The following APOBEC3C variants were observed in gnomAD, a reference collection of about 807,000 sequenced individuals.
APOBEC3C encodes the protein DNA dC->dU-editing enzyme APOBEC-3C.
In APOBEC3C, 14 loss-of-function variants were observed where a neutral mutation model predicts 20.6. That is an observed-to-expected ratio of 0.68 (90% CI 0.45 to 1.06). APOBEC3C has a LOEUF of 1.06. Among genes scored for constraint, APOBEC3C ranks in the 50% least tolerant of loss-of-function variants. The probability of loss-of-function intolerance (pLI) is 0.00; values close to 1 mark genes in which losing one functional copy is unlikely to be tolerated. For synonymous variants in APOBEC3C, 98 were observed against 88.8 expected (o/e 1.10, Z -0.58); for missense variants, 244 against 241.9 (o/e 1.01, Z -0.06).
chr22:39,018,494 C>G lies in APOBEC3C; in HGVS notation c.*107C>G. ...TCTGTTTCTGCCTGGTCATCCTGAG[C>G]CCCTCCTGGCCTCAGGGCCATTCCA... On this transcript the variant is annotated 3_prime_UTR_variant, in exon 4 of 4. Coordinates refer to ENST00000361441, the MANE Select transcript of APOBEC3C (RefSeq NM_014508.3). 4.5e-6 allele frequency: 6 copies of G among 1,328,220 alleles called. No individual in the cohort carries two copies. The highest frequency in any genetic ancestry group is 1.5e-5 in the African/African-American group (1 of 67,968). 82.3% of individuals were successfully genotyped at this position (1,328,220 alleles called of 1,614,324 possible).
At chr22:39,015,789 T>C in intron 2 of APOBEC3C, 38 bp downstream of exon 2, 1 of 1,588,038 alleles carries the variant, frequency 6.3e-7, no homozygotes, top group Non-Finnish European at 8.6e-7. Flanking sequence ...AAATAGGAGC[T>C]AAGCAGCTGG....
At position 39,014,502 on chromosome 22, in the gene APOBEC3C, C is replaced by T. The variant is rs1176489205; in HGVS notation, c.17+123C>T. The T allele has an allele frequency of 4.6e-6, 5 of 1,077,780 alleles. No individual in the cohort carries two copies. The Admixed American group carries it at 6.7e-5, about 14-fold the overall frequency. The allele number at this position is 1,077,780 out of a possible 1,614,324, so 66.8% of individuals were successfully genotyped here. On this transcript the variant is annotated intron_variant, in intron 1 of 3. Transcript: ENST00000361441. ...CCTCTGGGCTCCCTCCCCCCTGGTT[C>T]CCCCGCTGCCCCCACTCCCAGCCAA...
intron 2 of APOBEC3C, among the ~76,000 whole-genome samples, chr22:39,016,249 G>A (rs1924780157): frequency 8.1e-6 from 1 of 123,626 alleles, no homozygotes; most frequent in Non-Finnish European, 1.7e-5. Flanking sequence ...GCCCAGGCTG[G>A]AGTGCAGTGG....
chr22:39,018,185 G>A, intron 3 of APOBEC3C, 84 bp from the exon 4 acceptor site: 3 of 1,571,376 alleles, frequency 1.9e-6, no homozygotes, highest in South Asian at 1.2e-5. Flanking sequence ...CTGGCAGCCT[G>A]GATACCTGGG....
intron 1 of APOBEC3C, among the ~76,000 whole-genome samples, chr22:39,014,919 G>T (rs954764574): frequency 1.3e-5 from 2 of 152,102 alleles, no homozygotes; most frequent in African/African-American, 4.8e-5. Context: ...CCAGACACAG[G>T]CTCCTCCTCT....
Position 39,014,372 on chromosome 22 carries a change from C to T in APOBEC3C, c.10C>T (p.Gln4Ter). MNP[Q>*]IRNPMKAMYP... ...ATCTAAGAGGCTGAACATGAATCCA[C>T]AGATCAGGTACCTCTGCACGCTTTG... The change falls in exon 1 of 4, where the codon CAG becomes TAG. Residue 4 changes from glutamine (Q) to a stop codon, truncating the protein, a stop_gained. Transcript: ENST00000361441. LOFTEE classifies it high-confidence loss of function. The T allele has an allele frequency of 4.3e-6, 7 of 1,614,208 alleles. No homozygotes were observed. Among genetic ancestry groups the T allele is most frequent in the Non-Finnish European group, 5.9e-6 (7 of 1,180,028 alleles).
At chr22:39,016,189 C>CTTT (rs1193762865) in intron 2 of APOBEC3C, among the ~76,000 whole-genome samples, 46,712 of 121,396 alleles carry the variant, frequency 0.38, 8,256 homozygotes, top group East Asian at 0.56. Flanking sequence ...CTCCTCCCCA[C>CTTT]ATTATTTATT....
intron 1 of APOBEC3C, 87 bp downstream of exon 1, chr22:39,014,466 C>T (rs1421325488): frequency 1.3e-5 from 20 of 1,549,978 alleles, no homozygotes; most frequent in Non-Finnish European, 1.8e-5. Context: ...CCTCCCCCTG[C>T]CCCAGCCCCA....
rs1387926060 is a variant in APOBEC3C, at chr22:39,015,587, G to C, written c.18-8G>C. 6.2e-7 allele frequency: 1 copy of C among 1,613,456 alleles called. No individual in the cohort carries two copies. Among genetic ancestry groups the C allele is most frequent in the Non-Finnish European group, 8.5e-7 (1 of 1,179,560 alleles). ...CTCTGCATTGGGGTTTCTCTCTTGT[G>C]CCTTCAGAAACCCGATGAAGGCAAT... On this transcript the variant is annotated splice_polypyrimidine_tract_variant and splice_region_variant and intron_variant, in intron 1 of 3. Transcript: ENST00000361441.
At chr22:39,017,595 C>G (rs189495148) in intron 2 of APOBEC3C, among the ~76,000 whole-genome samples, 171 bp from the exon 3 acceptor site, 139 of 152,200 alleles carry the variant, frequency 9.1e-4, no homozygotes, top group African/African-American at 3.1e-3. Context: ...AGCCCAGATC[C>G]CACCACTGCA....
intron 2 of APOBEC3C, among the ~76,000 whole-genome samples, chr22:39,016,761 G>A (rs1924799956): frequency 6.6e-6 from 1 of 152,168 alleles, no homozygotes; most frequent in Admixed American, 6.5e-5. Context: ...CGGGCTGGTG[G>A]GGCCGCCCCC....
In APOBEC3C at chr22:39,018,494, C is replaced by A; in HGVS notation, c.*107C>A. 1 of 1,328,260 alleles carries A rather than the reference C, an allele frequency of 7.5e-7. No individual in the cohort carries two copies. The highest frequency in any genetic ancestry group is 1.4e-5 in the South Asian group (1 of 73,486). The allele number at this position is 1,328,260 out of a possible 1,614,324, so 82.3% of individuals were successfully genotyped here. On this transcript the variant is annotated 3_prime_UTR_variant, in exon 4 of 4. Transcript: ENST00000361441. The stretch of plus-strand genomic sequence containing the variant: ...TCTGTTTCTGCCTGGTCATCCTGAG[C>A]CCCTCCTGGCCTCAGGGCCATTCCA...
At chr22:39,015,885 T>C (rs182762916) in intron 2 of APOBEC3C, 134 bp downstream of exon 2, 18,723 of 941,412 alleles carry the variant, frequency 0.02, 265 homozygotes, top group Non-Finnish European at 0.024. Flanking sequence ...TTTTTTTTTT[T>C]TTTTTTTTGA....
chr22:39,018,442 C>G lies in APOBEC3C; in HGVS notation c.*55C>G. 6.3e-7 allele frequency: 1 copy of G among 1,580,112 alleles called. No homozygotes were observed. Among genetic ancestry groups the G allele is most frequent in the Non-Finnish European group, 8.6e-7 (1 of 1,158,440 alleles). On this transcript the variant is annotated 3_prime_UTR_variant, in exon 4 of 4. Transcript: ENST00000361441. ...CCTCTAGCCTCCTGCTCATGCTGCA[C>G]GGGCCTCCCCTCCACCCTGGACCCG...
Position 39,018,504 on chromosome 22 carries a change from C to A in APOBEC3C, c.*117C>A. 8.9e-6 allele frequency: 11 copies of A among 1,241,858 alleles called. No individual in the cohort carries two copies. Among genetic ancestry groups the A allele is most frequent in the Non-Finnish European group, 1.0e-5 (9 of 886,678 alleles). 76.9% of individuals were successfully genotyped at this position (1,241,858 alleles called of 1,614,324 possible). A position where few individuals can be genotyped will look rare whatever the true frequency, so the allele number is the denominator to read the frequency against. ...CCTGGTCATCCTGAGCCCCTCCTGG[C>A]CTCAGGGCCATTCCACAGTGCTCCC... is the stretch of plus-strand genomic sequence containing the variant. On this transcript the variant is annotated 3_prime_UTR_variant, in exon 4 of 4. Transcript: ENST00000361441.
At chr22:39,015,400 C>T (rs572918629) in intron 1 of APOBEC3C, among the ~76,000 whole-genome samples, 195 bp from the exon 2 acceptor site, 4 of 152,234 alleles carry the variant, frequency 2.6e-5, no homozygotes, top group African/African-American at 9.6e-5. Flanking sequence ...GGCCCTGCTG[C>T]CCCTGCCAGC....
chr22:39,015,836 C>G, intron 2 of APOBEC3C, 85 bp downstream of exon 2: 2 of 1,335,838 alleles, frequency 1.5e-6, no homozygotes, highest in Non-Finnish European at 2.1e-6. Flanking sequence ...ATGTGCCCGG[C>G]GTGGGCTCTC....
At chr22:39,017,211 G>A (rs376114223) in intron 2 of APOBEC3C, among the ~76,000 whole-genome samples, 4 of 152,020 alleles carry the variant, frequency 2.6e-5, no homozygotes, top group South Asian at 2.1e-4. Context: ...CAGCCTTGGC[G>A]ACAGAGCAAG....
At chr22:39,014,831 G>C (rs540381323) in intron 1 of APOBEC3C, among the ~76,000 whole-genome samples, 2 of 152,098 alleles carry the variant, frequency 1.3e-5, no homozygotes, top group East Asian at 3.9e-4. Flanking sequence ...GTGGGGGAGG[G>C]AATGGTCTCT....
Sources: gnomAD v4.1 joint callset for allele counts (sites outside exome capture counted in the v4.1 genomes callset) on GRCh38, gnomAD v4.1.1 for gene constraint, MANE v1.5 for transcripts, NCBI Gene and HGNC (gene_info 2026-07-23, HGNC 2026-07-21) for gene names.